Variants in SYNDIG1 observed in about 807,000 individuals in gnomAD.
The protein encoded by SYNDIG1 is synapse differentiation inducing 1, also known as synapse differentiation-inducing gene protein 1.
In SYNDIG1, 9 loss-of-function variants were observed where a neutral mutation model predicts 19.4. The observed-to-expected ratio is 0.46, with a 90% CI of 0.28 to 0.81. The LOEUF is 0.81. SYNDIG1 is among the 30% of genes least tolerant of loss of function. The pLI, the probability that SYNDIG1 is intolerant of heterozygous loss-of-function variation, is 0.12. For missense variants in SYNDIG1, 311 were observed against 343.3 expected, an observed-to-expected ratio of 0.91 and a Z score of 0.74; for synonymous variants, 141 against 145.9, an observed-to-expected ratio of 0.97 and a Z score of 0.24.
chr20:24,586,094 C>A (rs1184023425), intron 3 of SYNDIG1, among the ~76,000 whole-genome samples: 1 of 152,204 alleles, frequency 6.6e-6, no homozygotes, highest in Non-Finnish European at 1.5e-5. Flanking sequence ...TGAGTGGTGA[C>A]TGGCCCCTCT....
Position 24,605,803 on chromosome 20 carries a change from G to A in SYNDIG1, c.618+20810G>A, listed in dbSNP as rs192187851. 3.2e-3 allele frequency among the ~76,000 whole-genome samples: 494 copies of A among 152,328 alleles called. 2 individuals carry two copies. The highest frequency in any genetic ancestry group is 0.013 in the South Asian group (65 of 4,822). On this transcript the variant is annotated intron_variant, in intron 3 of 3. Transcript: ENST00000376862. ...TGCATGTTGATTGTCCAAGGGCAGA[G>A]TCTGCAAAGCCTGTGACGTGTGGGA...
intron 2 of SYNDIG1, among the ~76,000 whole-genome samples, chr20:24,553,387 T>C (rs1278261656): frequency 2.0e-5 from 3 of 152,242 alleles, no homozygotes; most frequent in Admixed American, 2.0e-4. Flanking sequence ...TCCTTGCCCA[T>C]GCCTGTGTCC....
At chr20:24,627,257 G>A (rs2059164159) in intron 3 of SYNDIG1, among the ~76,000 whole-genome samples, 1 of 152,166 alleles carries the variant, frequency 6.6e-6, no homozygotes. Context: ...CAGTAACTTA[G>A]ATGAAATTGA....
At chr20:24,528,085 G>T (rs779251047) in intron 1 of SYNDIG1, among the ~76,000 whole-genome samples, 1 of 152,142 alleles carries the variant, frequency 6.6e-6, no homozygotes, top group Non-Finnish European at 1.5e-5. Context: ...ATTTTCCTTC[G>T]CAATCAGTAA....
At chr20:24,619,833 C>T (rs540090809) in intron 3 of SYNDIG1, among the ~76,000 whole-genome samples, 1 of 152,286 alleles carries the variant, frequency 6.6e-6, no homozygotes, top group African/African-American at 2.4e-5. Context: ...TGTGCAAAAT[C>T]AGGGTTCTGT....
chr20:24,537,712 G>A (rs1163117522), intron 1 of SYNDIG1, among the ~76,000 whole-genome samples: 2 of 152,196 alleles, frequency 1.3e-5, no homozygotes, highest in African/African-American at 4.8e-5. Flanking sequence ...CCATGAGACA[G>A]AGAGGTCATT....
At chr20:24,648,717 G>T (rs75195730) in intron 3 of SYNDIG1, among the ~76,000 whole-genome samples, 2 of 152,300 alleles carry the variant, frequency 1.3e-5, no homozygotes, top group East Asian at 3.9e-4. Flanking sequence ...TTCTTAGAAG[G>T]AGCCAAGTGT....
intron 1 of SYNDIG1, among the ~76,000 whole-genome samples, chr20:24,526,250 G>T (rs1361280120): frequency 5.9e-5 from 9 of 151,916 alleles, no homozygotes; most frequent in African/African-American, 1.9e-4. Flanking sequence ...TATTATCCTA[G>T]TTTTCTATTT....
chr20:24,638,563 A>G (rs1340353843), intron 3 of SYNDIG1, among the ~76,000 whole-genome samples: 8 of 152,116 alleles, frequency 5.3e-5, no homozygotes, highest in African/African-American at 1.9e-4. Flanking sequence ...GGGTTTCACA[A>G]CGTTGCCTAG....
chr20:24,645,445 T>C (rs117326312), intron 3 of SYNDIG1, among the ~76,000 whole-genome samples: 4,103 of 152,302 alleles, frequency 0.027, 98 homozygotes, highest in Admixed American at 0.047. Context: ...ATGGCTGCAT[T>C]GGTGCCACAG....
At chr20:24,626,484 C>T (rs576812959) in intron 3 of SYNDIG1, among the ~76,000 whole-genome samples, 9 of 151,914 alleles carry the variant, frequency 5.9e-5, no homozygotes, top group Admixed American at 4.6e-4. Context: ...GATGGGCGGC[C>T]GGGCAGAGAC....
intron 3 of SYNDIG1, among the ~76,000 whole-genome samples, chr20:24,627,138 GGAGAGGGAGAGGGAGAGCGAGAGC>G (rs1314747225): frequency 1.4e-5 from 2 of 146,864 alleles, no homozygotes; most frequent in Admixed American, 1.3e-4. Flanking sequence ...AGAGGGAGAG[GGAGAGGGAGAGGGAGAGCGAGAGC>G]GAGAGCGAGA....
At chr20:24,625,905 G>A (rs1600777703) in intron 3 of SYNDIG1, among the ~76,000 whole-genome samples, 2 of 152,266 alleles carry the variant, frequency 1.3e-5, no homozygotes, top group South Asian at 2.1e-4. Context: ...GGTGGTGGCC[G>A]GGCAGAGGGG....
At chr20:24,567,401 G>A (rs562253596) in intron 2 of SYNDIG1, among the ~76,000 whole-genome samples, 27 of 152,250 alleles carry the variant, frequency 1.8e-4, no homozygotes, top group Non-Finnish European at 3.1e-4. Context: ...ATCCAGTGAA[G>A]ACAACTCTCA....
At chr20:24,648,517 C>T (rs2059441593) in intron 3 of SYNDIG1, among the ~76,000 whole-genome samples, 1 of 152,196 alleles carries the variant, frequency 6.6e-6, no homozygotes, top group African/African-American at 2.4e-5. Context: ...ATTCTTGCAG[C>T]AGGCAAATAA....
intron 1 of SYNDIG1, among the ~76,000 whole-genome samples, chr20:24,533,645 A>T (rs1399703291): frequency 2.6e-5 from 4 of 151,910 alleles, no homozygotes; most frequent in Non-Finnish European, 5.9e-5. Flanking sequence ...GCGCTGGGGA[A>T]GTGTCAAACA....
intron 1 of SYNDIG1, among the ~76,000 whole-genome samples, chr20:24,489,440 C>A (rs909674185): frequency 2.0e-5 from 3 of 151,436 alleles, no homozygotes; most frequent in Non-Finnish European, 1.5e-5. Flanking sequence ...TAGATACATG[C>A]ACACACAGAC....
chr20:24,533,189 T>C (rs150121318), intron 1 of SYNDIG1, among the ~76,000 whole-genome samples: 1 of 152,126 alleles, frequency 6.6e-6, no homozygotes, highest in African/African-American at 2.4e-5. Context: ...GCTTATACGC[T>C]TGCAGAAAGA....
At chr20:24,471,661 T>C (rs1044649033) in intron 1 of SYNDIG1, among the ~76,000 whole-genome samples, 3 of 151,596 alleles carry the variant, frequency 2.0e-5, no homozygotes, top group Non-Finnish European at 4.4e-5. Context: ...ACTTTTTTAT[T>C]ATGGAAAATT....
Sources: gnomAD v4.1 joint callset for allele counts (sites outside exome capture counted in the v4.1 genomes callset) on GRCh38, gnomAD v4.1.1 for gene constraint, MANE v1.5 for transcripts, NCBI Gene and HGNC (gene_info 2026-07-23, HGNC 2026-07-21) for gene names.